Variants in TMEM108 observed in about 807,000 individuals in gnomAD.
TMEM108 encodes the protein transmembrane protein 108.
TMEM108 carries 12 observed loss-of-function variants against 35.1 expected under a neutral mutation model. That is an observed-to-expected ratio of 0.34 (90% CI 0.22 to 0.55). The LOEUF (loss-of-function observed/expected upper bound fraction) is 0.55, where lower values mean the gene tolerates loss of function less well. TMEM108 is among the 20% of genes least tolerant of loss of function. The pLI, the probability that TMEM108 is intolerant of heterozygous loss-of-function variation, is 0.89. For missense variants in TMEM108, 680 were observed against 753.3 expected (o/e 0.90, Z 1.14); for synonymous variants, 287 against 308.6 (o/e 0.93, Z 0.73).
intron 2 of TMEM108, among the ~76,000 whole-genome samples, chr3:133,150,853 C>A (rs1449266112): frequency 6.6e-6 from 1 of 152,086 alleles, no homozygotes; most frequent in African/African-American, 2.4e-5. Flanking sequence ...ACCTTCCTTT[C>A]CAAATACCTT....
chr3:133,231,243 T>C (rs1946149229), intron 3 of TMEM108, among the ~76,000 whole-genome samples: 1 of 152,218 alleles, frequency 6.6e-6, no homozygotes, highest in South Asian at 2.1e-4. Context: ...AATATATATA[T>C]TTTTAATTTG....
At chr3:133,246,259 A>G (rs1358463400) in intron 3 of TMEM108, 1 of 152,198 alleles carries the variant, frequency 6.6e-6, no homozygotes, top group Admixed American at 6.5e-5. Context: ...CCAAACTATT[A>G]GTTTTGAAGT....
At chr3:133,148,936 G>A (rs1438974302) in intron 2 of TMEM108, among the ~76,000 whole-genome samples, 1 of 152,236 alleles carries the variant, frequency 6.6e-6, no homozygotes, top group African/African-American at 2.4e-5. Context: ...GGCTGAGGCT[G>A]CAGTGAGCCA....
chr3:133,175,345 A>G (rs1175749891), intron 2 of TMEM108, among the ~76,000 whole-genome samples: 3 of 152,186 alleles, frequency 2.0e-5, no homozygotes, highest in African/African-American at 4.8e-5. Context: ...GATACTCCTC[A>G]ACAAAAGCAT....
At chr3:133,197,553 C>T (rs1346851244) in intron 2 of TMEM108, among the ~76,000 whole-genome samples, 1 of 152,100 alleles carries the variant, frequency 6.6e-6, no homozygotes, top group Non-Finnish European at 1.5e-5. Flanking sequence ...AGGACTTGCC[C>T]CCAGGGATAT....
chr3:133,169,733 A>G (rs576253826), intron 2 of TMEM108, among the ~76,000 whole-genome samples: 1 of 152,296 alleles, frequency 6.6e-6, no homozygotes, highest in South Asian at 2.1e-4. Context: ...TTGTTGCTCT[A>G]CCTGAGAAGA....
chr3:133,136,502 G>C (rs966796123), intron 2 of TMEM108, among the ~76,000 whole-genome samples: 6 of 152,204 alleles, frequency 3.9e-5, no homozygotes, highest in African/African-American at 1.4e-4. Flanking sequence ...TTTGATGTGT[G>C]AGTCATCACA....
At chr3:133,375,072 T>C (rs1488696565) in intron 3 of TMEM108, among the ~76,000 whole-genome samples, 1 of 152,246 alleles carries the variant, frequency 6.6e-6, no homozygotes, top group Non-Finnish European at 1.5e-5. Flanking sequence ...TACTACCTGC[T>C]TCATGAGGTT....
chr3:133,342,544 G>GTATATATATATATATATATATATATATA lies in TMEM108; in HGVS notation c.41-37196_41-37195insTATATATATATATATATATATATATATA, dbSNP rs1553764021. Among the ~76,000 whole-genome samples, 295 of 46,390 alleles carry GTATATATATATATATATATATATATATA rather than the reference G, an allele frequency of 6.4e-3. 28 individuals carry two copies. Among genetic ancestry groups the GTATATATATATATATATATATATATATA allele is most frequent in the African/African-American group, 0.017 (179 of 10,812 alleles). 30.4% of individuals were successfully genotyped at this position (46,390 alleles called of 152,430 possible). On this transcript the variant is annotated intron_variant, in intron 3 of 5. Transcript: ENST00000321871. ...TAAAAAAGTTAAAAAAGAAAATGTG[G>GTATATATATATATATATATATATATATA]TATATATATATACACACACACACAC...
chr3:133,188,619 G>T (rs1945455586), intron 2 of TMEM108, among the ~76,000 whole-genome samples: 1 of 152,208 alleles, frequency 6.6e-6, no homozygotes, highest in South Asian at 2.1e-4. Flanking sequence ...ACTAATTTAG[G>T]ATTAGTTCAG....
chr3:133,364,940 C>T (rs138064919), intron 3 of TMEM108, among the ~76,000 whole-genome samples: 105 of 152,294 alleles, frequency 6.9e-4, no homozygotes, highest in African/African-American at 2.3e-3. Flanking sequence ...CCCAACCCTA[C>T]GGAGAACTCC....
At chr3:133,297,677 G>A (rs1947164918) in intron 3 of TMEM108, among the ~76,000 whole-genome samples, 2 of 152,178 alleles carry the variant, frequency 1.3e-5, no homozygotes, top group Non-Finnish European at 2.9e-5. Flanking sequence ...AGAGCCAGTG[G>A]GCTGAGGCAA....
At chr3:133,135,741 C>T (rs943064734) in intron 2 of TMEM108, among the ~76,000 whole-genome samples, 14 of 152,146 alleles carry the variant, frequency 9.2e-5, no homozygotes, top group East Asian at 3.9e-4. Flanking sequence ...AAAAGACATT[C>T]GTGCGGTAAA....
chr3:133,104,629 G>C (rs1368230824), intron 2 of TMEM108, among the ~76,000 whole-genome samples: 1 of 152,122 alleles, frequency 6.6e-6, no homozygotes, highest in Non-Finnish European at 1.5e-5. Flanking sequence ...TGCACAGCTG[G>C]AAGTTTTCAT....
chr3:133,328,970 A>C (rs1390677834), intron 3 of TMEM108, among the ~76,000 whole-genome samples: 1 of 151,672 alleles, frequency 6.6e-6, no homozygotes, highest in African/African-American at 2.4e-5. Flanking sequence ...TTTAAACCTT[A>C]TTACATCATG....
intron 3 of TMEM108, among the ~76,000 whole-genome samples, chr3:133,292,680 G>A (rs750731318): frequency 6.6e-6 from 1 of 152,148 alleles, no homozygotes; most frequent in Non-Finnish European, 1.5e-5. Context: ...TTTTTTTAAA[G>A]CATCTGTTTC....
chr3:133,076,519 A>G (rs1216239465), intron 2 of TMEM108, among the ~76,000 whole-genome samples: 2 of 152,210 alleles, frequency 1.3e-5, no homozygotes, highest in East Asian at 3.8e-4. Context: ...CTATAACAGA[A>G]GGGCAGAAAG....
At chr3:133,155,162 T>C (rs549588428) in intron 2 of TMEM108, among the ~76,000 whole-genome samples, 1 of 152,310 alleles carries the variant, frequency 6.6e-6, no homozygotes, top group East Asian at 1.9e-4. Flanking sequence ...TCCAGTTCCA[T>C]CTGTGTTCCT....
intron 2 of TMEM108, among the ~76,000 whole-genome samples, chr3:133,178,058 T>TCA (rs201064682): frequency 0.013 from 1,992 of 152,304 alleles, 20 homozygotes; most frequent in South Asian, 0.019. Context: ...GAACTCCCAT[T>TCA]CACAATTGCT....
Sources: gnomAD v4.1 joint callset for allele counts (sites outside exome capture counted in the v4.1 genomes callset) on GRCh38, gnomAD v4.1.1 for gene constraint, MANE v1.5 for transcripts, NCBI Gene and HGNC (gene_info 2026-07-23, HGNC 2026-07-21) for gene names.